The following PXDNL variants were observed in gnomAD, a reference collection of about 807,000 sequenced individuals.
PXDNL encodes the protein peroxidasin like.
PXDNL carries 145 observed loss-of-function variants against 150.8 expected under a neutral mutation model. That is an observed-to-expected ratio of 0.96 (90% CI 0.84 to 1.10). The LOEUF (loss-of-function observed/expected upper bound fraction) is 1.10, where lower values mean the gene tolerates loss of function less well. PXDNL is among the 50% of genes least tolerant of loss of function. PXDNL has a pLI of 0.00. For missense variants in PXDNL, 2,087 were observed against 1,873.9 expected, an observed-to-expected ratio of 1.11 and a Z score of -2.10; for synonymous variants, 757 against 725.7, an observed-to-expected ratio of 1.04 and a Z score of -0.69.
intron 1 of PXDNL, among the ~76,000 whole-genome samples, chr8:51,738,971 C>T (rs1164165720): frequency 6.6e-6 from 1 of 151,988 alleles, no homozygotes; most frequent in Non-Finnish European, 1.5e-5. Context: ...CTCTCATGAA[C>T]ATAGGCAGAA....
intron 16 of PXDNL, among the ~76,000 whole-genome samples, chr8:51,409,763 C>T (rs1007990948): frequency 2.7e-5 from 4 of 150,766 alleles, no homozygotes; most frequent in Non-Finnish European, 5.9e-5. Context: ...TCCAGAAGAT[C>T]CCGGGATTAC....
At chr8:51,463,352 G>T (rs1810126360) in intron 8 of PXDNL, among the ~76,000 whole-genome samples, 4 of 152,120 alleles carry the variant, frequency 2.6e-5, no homozygotes, top group African/African-American at 9.7e-5. Context: ...TTTTTAAAAA[G>T]ACCCAATCTT....
intron 17 of PXDNL, among the ~76,000 whole-genome samples, chr8:51,405,006 TCAGCACCGGGACCCAGCGCACCCTCCG>T (rs1808395713): frequency 6.6e-6 from 1 of 152,098 alleles, no homozygotes; most frequent in Non-Finnish European, 1.5e-5. Flanking sequence ...GAATTCGAGC[TCAGCACCGGGACCCAGCGCACCCTCCG>T]CAGCTGCTGG....
chr8:51,374,808 C>A (rs951339902), intron 17 of PXDNL, 77 bp from the exon 18 acceptor site: 2 of 1,487,516 alleles, frequency 1.3e-6, no homozygotes, highest in Admixed American at 2.0e-5. Flanking sequence ...TGAATGACCA[C>A]CAAGCATTAT....
intron 14 of PXDNL, among the ~76,000 whole-genome samples, chr8:51,421,363 A>G (rs1808946780): frequency 6.6e-6 from 1 of 152,210 alleles, no homozygotes; most frequent in Non-Finnish European, 1.5e-5. Context: ...GAAAATCATG[A>G]ACTCATAGAG....
rs575264376 is a variant in PXDNL, at chr8:51,686,476, C to CG, written c.165-31717dup. On this transcript the variant is annotated intron_variant, in intron 1 of 22. Coordinates refer to ENST00000356297, the MANE Select transcript of PXDNL (RefSeq NM_144651.5). ...AGTGGTTCTCCTCCTGTTCCCCAAT[C>CG]GGGGGGGCAAGGTCTCTAATTTAAT... 2.4e-4 allele frequency among the ~76,000 whole-genome samples: 37 copies of CG among 152,174 alleles called. 1 individual carries two copies. The South Asian group carries it at 2.5e-3, about 10-fold the overall frequency.
intron 2 of PXDNL, among the ~76,000 whole-genome samples, chr8:51,600,323 A>G (rs1037952346): frequency 1.6e-5 from 2 of 124,654 alleles, no homozygotes; most frequent in Non-Finnish European, 3.2e-5. Context: ...ATAATAAATT[A>G]TATCTTATAT....
At chr8:51,368,499 A>G (rs145897346) in intron 19 of PXDNL, among the ~76,000 whole-genome samples, 1,991 of 152,282 alleles carry the variant, frequency 0.013, 35 homozygotes, top group African/African-American at 0.044. Flanking sequence ...TTAACCAGTA[A>G]GCTATTATTC....
At chr8:51,640,403 G>GT (rs1488151435) in intron 2 of PXDNL, among the ~76,000 whole-genome samples, 7 of 152,144 alleles carry the variant, frequency 4.6e-5, no homozygotes, top group African/African-American at 1.7e-4. Flanking sequence ...AGGAAAAGAG[G>GT]AAGTCAAATT....
intron 4 of PXDNL, among the ~76,000 whole-genome samples, chr8:51,504,706 C>T (rs1275012458): frequency 6.6e-6 from 1 of 152,170 alleles, no homozygotes. Context: ...TATTCACATC[C>T]CTAGTTTCTT....
chr8:51,639,285 A>G (rs2130773037), intron 2 of PXDNL, among the ~76,000 whole-genome samples: 1 of 152,364 alleles, frequency 6.6e-6, no homozygotes, highest in East Asian at 1.9e-4. Flanking sequence ...CATCACAATT[A>G]AAAGAACTAG....
In PXDNL at chr8:51,693,726, C is replaced by T. The variant is rs1052066626; in HGVS notation, c.165-38966G>A. ...CAGAAGTTGCAGTGAGCCAAGCTCA[C>T]GCCACTGCACTCCGCCCTGGGTGAC... is the stretch of plus-strand genomic sequence containing the variant. On this transcript the variant is annotated intron_variant, in intron 1 of 22. Coordinates refer to ENST00000356297, the MANE Select transcript of PXDNL (RefSeq NM_144651.5). 7.9e-5 allele frequency among the ~76,000 whole-genome samples: 12 copies of T among 152,246 alleles called. No homozygotes were observed. In the East Asian group the frequency reaches 1.2e-3, roughly 15 times the overall value.
chr8:51,786,084 T>G (rs1025257269), intron 1 of PXDNL, among the ~76,000 whole-genome samples: 2 of 152,122 alleles, frequency 1.3e-5, no homozygotes, highest in African/African-American at 4.8e-5. Context: ...AACAACTATC[T>G]ACAGGAAAAA....
intron 1 of PXDNL, among the ~76,000 whole-genome samples, chr8:51,678,160 G>A (rs1053820477): frequency 2.1e-4 from 32 of 152,170 alleles, no homozygotes; most frequent in African/African-American, 6.3e-4. Flanking sequence ...ACGCAGCTCT[G>A]GCACTCCTCA....
chr8:51,516,891 A>G (rs905454075), intron 4 of PXDNL, among the ~76,000 whole-genome samples: 3 of 152,234 alleles, frequency 2.0e-5, no homozygotes, highest in Non-Finnish European at 2.9e-5. Flanking sequence ...GATAAATAAA[A>G]GAATTAGAAG....
At chr8:51,656,099 G>C (rs1217158822) in intron 1 of PXDNL, among the ~76,000 whole-genome samples, 1 of 152,162 alleles carries the variant, frequency 6.6e-6, no homozygotes, top group Non-Finnish European at 1.5e-5. Context: ...TAGGGCGCTA[G>C]AATGGCAGTA....
rs547956771 is a variant in PXDNL at position 51,708,412 on chromosome 8, T to C, written c.165-53652A>G. Among the ~76,000 whole-genome samples the C allele has an allele frequency of 3.3e-5, 5 of 152,260 alleles. No individual in the cohort carries two copies. The South Asian group carries it at 8.3e-4, about 25-fold the overall frequency. On this transcript the variant is annotated intron_variant, in intron 1 of 22. Coordinates refer to ENST00000356297, the MANE Select transcript of PXDNL (RefSeq NM_144651.5). ...CTGCACAATGGAGGTGAAAAGACAA[T>C]GGAGCTAAGAAAGCAGACTAAAATA...
chr8:51,765,682 A>C (rs968168870), intron 1 of PXDNL, among the ~76,000 whole-genome samples: 6 of 152,044 alleles, frequency 3.9e-5, no homozygotes, highest in Non-Finnish European at 7.4e-5. Flanking sequence ...AATTTGTATC[A>C]TATTTCATTA....
intron 17 of PXDNL, among the ~76,000 whole-genome samples, chr8:51,383,323 C>A (rs190403951): frequency 6.6e-6 from 1 of 152,180 alleles, no homozygotes; most frequent in Non-Finnish European, 1.5e-5. Flanking sequence ...CTTTCGCCCC[C>A]AAACCATTTG....
Sources: allele counts gnomAD v4.1 joint callset (sites outside exome capture counted in the v4.1 genomes callset), GRCh38; gene constraint gnomAD v4.1.1; transcripts MANE v1.5; gene names NCBI Gene and HGNC (gene_info 2026-07-23, HGNC 2026-07-21).